Variants in ACOXL observed in about 807,000 individuals in gnomAD.
ACOXL encodes acyl-coenzyme A oxidase-like protein.
In ACOXL, 70 loss-of-function variants were observed where a neutral mutation model predicts 71.9. That is an observed-to-expected ratio of 0.97 (90% CI 0.80 to 1.19). The LOEUF (loss-of-function observed/expected upper bound fraction) is 1.19. ACOXL is among the 50% of genes most tolerant of loss of function. The pLI is 0.00. For synonymous variants in ACOXL, 253 were observed against 281.6 expected, an observed-to-expected ratio of 0.90 and a Z score of 1.02; for missense variants, 703 against 736.3, an observed-to-expected ratio of 0.95 and a Z score of 0.52.
intron 12 of ACOXL, among the ~76,000 whole-genome samples, chr2:110,952,057 T>A (rs989730986): frequency 1.3e-5 from 2 of 152,204 alleles, no homozygotes; most frequent in Non-Finnish European, 2.9e-5. Flanking sequence ...TAGAATTGAA[T>A]TATCTGTTCC....
At chr2:110,862,915 G>A (rs1694125592) in intron 10 of ACOXL, among the ~76,000 whole-genome samples, 1 of 152,172 alleles carries the variant, frequency 6.6e-6, no homozygotes, top group African/African-American at 2.4e-5. Flanking sequence ...ACCACCTAGG[G>A]CCCCGCAGCA....
chr2:110,886,807 G>C, intron 10 of ACOXL: 1 of 1,551,034 alleles, frequency 6.4e-7, no homozygotes, highest in Non-Finnish European at 8.7e-7. Context: ...CAGAACTGCT[G>C]TTCAGCTCCA....
At chr2:111,044,407 G>A (rs2065921389) in intron 15 of ACOXL, among the ~76,000 whole-genome samples, 1 of 152,242 alleles carries the variant, frequency 6.6e-6, no homozygotes, top group Non-Finnish European at 1.5e-5. Flanking sequence ...CAAGTTCCAG[G>A]TGGGCAGTAC....
chr2:110,851,086 CA>C (rs1265420468), intron 10 of ACOXL, among the ~76,000 whole-genome samples: 1 of 152,162 alleles, frequency 6.6e-6, no homozygotes, highest in Non-Finnish European at 1.5e-5. Context: ...GGGAAGAAAG[CA>C]GACCCGTACT....
At chr2:111,082,122 T>C (rs780666019) in intron 16 of ACOXL, among the ~76,000 whole-genome samples, 2 of 152,166 alleles carry the variant, frequency 1.3e-5, no homozygotes, top group Admixed American at 6.5e-5. Context: ...AGAGACTTCA[T>C]GACTAAAACA....
At chr2:110,943,951 TCTTA>T (rs1166411031) in intron 12 of ACOXL, among the ~76,000 whole-genome samples, 1 of 152,212 alleles carries the variant, frequency 6.6e-6, no homozygotes, top group Non-Finnish European at 1.5e-5. Flanking sequence ...CTATTATTAG[TCTTA>T]CTTTACACAA....
intron 3 of ACOXL, among the ~76,000 whole-genome samples, chr2:110,785,398 G>GTGTA (rs1243667357): frequency 6.6e-6 from 1 of 151,780 alleles, no homozygotes; most frequent in East Asian, 1.9e-4. Flanking sequence ...GTGTGTGTGT[G>GTGTA]TGGTTTTATG....
chr2:110,848,330 C>T lies in ACOXL; in HGVS notation c.788+6925C>T, dbSNP rs78365764. On this transcript the variant is annotated intron_variant, in intron 10 of 17. Transcript: ENST00000439055. The stretch of plus-strand genomic sequence containing the variant: ...CTTTTTCAGACTTCACAGTGAGGCT[C>T]CAACCAGATATACACAGGGTTGCCA... Among the ~76,000 whole-genome samples, 609 of 152,310 alleles carry T rather than the reference C, an allele frequency of 4.0e-3. 8 individuals are homozygous for T. Among genetic ancestry groups the T allele is most frequent in the Non-Finnish European group, 4.0e-3 (273 of 68,022 alleles).
chr2:110,975,216 A>G lies in ACOXL; in HGVS notation c.1060-11892A>G, dbSNP rs550576998. Among the ~76,000 whole-genome samples, 25 of 152,350 alleles carry G rather than the reference A, an allele frequency of 1.6e-4. 2 individuals are homozygous for G. In the South Asian group the frequency reaches 4.4e-3, roughly 27 times the overall value. ...TCCTAAGGATAATCAGAGAATGAAC[A>G]ATCAAGCATCATCAAATATTTTTGT... On this transcript the variant is annotated intron_variant, in intron 12 of 17. Transcript: ENST00000439055.
At chr2:110,975,634 A>T (rs1342924278) in intron 12 of ACOXL, among the ~76,000 whole-genome samples, 2 of 152,202 alleles carry the variant, frequency 1.3e-5, no homozygotes, top group Non-Finnish European at 2.9e-5. Context: ...AAGAAGGAGC[A>T]AGATGCACAA....
intron 16 of ACOXL, among the ~76,000 whole-genome samples, chr2:111,077,921 A>T (rs1052092900): frequency 1.3e-5 from 2 of 152,162 alleles, no homozygotes; most frequent in Non-Finnish European, 2.9e-5. Context: ...TTTGGGGTTC[A>T]CTAAACTTCT....
chr2:110,958,120 C>T (rs74444833), intron 12 of ACOXL, among the ~76,000 whole-genome samples: 2,364 of 151,928 alleles, frequency 0.016, 68 homozygotes, highest in African/African-American at 0.052. Context: ...CATATGCACG[C>T]GCATGCATAC....
chr2:111,071,119 C>T (rs1259369602), intron 16 of ACOXL, among the ~76,000 whole-genome samples: 1 of 152,032 alleles, frequency 6.6e-6, no homozygotes, highest in African/African-American at 2.4e-5. Flanking sequence ...TCTAAAGAAG[C>T]ATAGTTTTTA....
At chr2:110,945,491 C>T (rs974568171) in intron 12 of ACOXL, among the ~76,000 whole-genome samples, 5 of 150,854 alleles carry the variant, frequency 3.3e-5, no homozygotes, top group Non-Finnish European at 5.9e-5. Context: ...TATATTTAAT[C>T]TTTAATCCAT....
rs763839383 is a variant in ACOXL, at chr2:110,798,759, C to T, written c.460+35C>T. 11 of 1,570,064 alleles carry T rather than the reference C, an allele frequency of 7.0e-6. No homozygotes were observed. The East Asian group carries it at 2.2e-4, about 32-fold the overall frequency. ...CAATACAGACAACTAGAATAATTCT[C>T]TTCATTAGTACTATTTACCAGTGAA... is the stretch of plus-strand genomic sequence containing the variant. On this transcript the variant is annotated intron_variant, in intron 6 of 17. Coordinates refer to ENST00000439055, the MANE Select transcript of ACOXL (RefSeq NM_001142807.4).
intron 16 of ACOXL, among the ~76,000 whole-genome samples, chr2:111,071,981 G>T (rs960805243): frequency 2.6e-5 from 4 of 152,200 alleles, no homozygotes; most frequent in African/African-American, 7.2e-5. Flanking sequence ...CAGGCAGAAT[G>T]TGTAACAGAC....
intron 12 of ACOXL, among the ~76,000 whole-genome samples, chr2:110,938,761 C>A (rs2060760032): frequency 6.6e-6 from 1 of 152,044 alleles, no homozygotes; most frequent in Non-Finnish European, 1.5e-5. Context: ...TTCTTTCTTA[C>A]CCTTAAAACT....
intron 10 of ACOXL, among the ~76,000 whole-genome samples, chr2:110,876,613 G>A (rs1449778490): frequency 2.0e-5 from 3 of 152,204 alleles, no homozygotes; most frequent in Non-Finnish European, 2.9e-5. Context: ...CGCAGGCACC[G>A]TGGGGCCTCT....
intron 10 of ACOXL, among the ~76,000 whole-genome samples, chr2:110,872,672 G>A (rs1319874342): frequency 6.6e-6 from 1 of 152,256 alleles, no homozygotes; most frequent in Non-Finnish European, 1.5e-5. Flanking sequence ...GCTCCAGGAG[G>A]CTGCAGGGCG....
Sources: allele counts gnomAD v4.1 joint callset (sites outside exome capture counted in the v4.1 genomes callset), GRCh38; gene constraint gnomAD v4.1.1; transcripts MANE v1.5; gene names NCBI Gene and HGNC (gene_info 2026-07-23, HGNC 2026-07-21).